The following PCDHA1 variants were observed in gnomAD, a reference collection of about 807,000 sequenced individuals.
The protein encoded by PCDHA1 is protocadherin alpha 1.
In PCDHA1, 42 loss-of-function variants were observed where a neutral mutation model predicts 61.3. The observed-to-expected ratio is 0.69, with a 90% CI of 0.54 to 0.89. PCDHA1 has a LOEUF of 0.89. Ranked by LOEUF, PCDHA1 falls within the 40% of genes least tolerant of loss-of-function variation. The pLI, the probability that PCDHA1 is intolerant of heterozygous loss-of-function variation, is 0.00. For synonymous variants in PCDHA1, 610 were observed against 553.8 expected (o/e 1.10, Z -1.43); for missense variants, 1,256 against 1,235.3 (o/e 1.02, Z -0.25).
chr5:140,896,214 G>C (rs1265727629), intron 1 of PCDHA1, among the ~76,000 whole-genome samples: 4 of 152,208 alleles, frequency 2.6e-5, no homozygotes, highest in Non-Finnish European at 5.9e-5. Context: ...ACACATACAT[G>C]TGTCTTTATA....
chr5:140,853,953 C>A, intron 1 of PCDHA1: 1 of 757,816 alleles, frequency 1.3e-6, no homozygotes, highest in Non-Finnish European at 1.6e-6. Flanking sequence ...AGGGTCCCTT[C>A]CTTGAGCCCA....
At chr5:140,850,702 A>G in intron 1 of PCDHA1, 1 of 1,598,166 alleles carries the variant, frequency 6.3e-7, no homozygotes, top group Middle Eastern at 1.7e-4. Flanking sequence ...GCGCCTGGCA[A>G]GCCGACGCTG....
chr5:140,823,717 G>C, intron 1 of PCDHA1: 2 of 1,613,952 alleles, frequency 1.2e-6, no homozygotes, highest in Non-Finnish European at 1.7e-6. Context: ...CCGCCTTCTG[G>C]TGCTGGTGAA....
chr5:140,954,842 T>C (rs1483926115), intron 1 of PCDHA1, among the ~76,000 whole-genome samples: 1 of 152,252 alleles, frequency 6.6e-6, no homozygotes, highest in Non-Finnish European at 1.5e-5. Flanking sequence ...ATGAAATCTT[T>C]GCCTGTGCCT....
intron 1 of PCDHA1, among the ~76,000 whole-genome samples, chr5:140,942,542 G>C (rs1023135030): frequency 6.6e-5 from 10 of 152,046 alleles, no homozygotes; most frequent in African/African-American, 2.4e-4. Flanking sequence ...AGTATGGTGG[G>C]GGGTAGGGGG....
chr5:140,827,904 G>GC (rs1769447630), intron 1 of PCDHA1: 2 of 786,390 alleles, frequency 2.5e-6, no homozygotes, highest in African/African-American at 3.4e-5. Flanking sequence ...TTTTGGAGCC[G>GC]CATGATGTCG....
At chr5:140,919,716 A>G (rs1166757941) in intron 1 of PCDHA1, among the ~76,000 whole-genome samples, 1 of 152,214 alleles carries the variant, frequency 6.6e-6, no homozygotes, top group East Asian at 1.9e-4. Flanking sequence ...CTAGTGAGAT[A>G]TAAATATGTT....
Position 140,803,409 on chromosome 5 carries a change from ACG to A in PCDHA1, c.2394+14727_2394+14728del, listed in dbSNP as rs782534527. 3 of 1,614,086 alleles carry A rather than the reference ACG, an allele frequency of 1.9e-6. No individual in the cohort carries two copies. In the African/African-American group the frequency reaches 4.0e-5, roughly 22 times the overall value. Reference sequence around the variant, plus strand: ...AGGCGACTGTGGGCCGGGCAAGCCCACGCTGGTGTGCTCCAGCGCGGTGGGGA... The same window carrying A: ...AGGCGACTGTGGGCCGGGCAAGCCCACTGGTGTGCTCCAGCGCGGTGGGGA... On this transcript the variant is annotated intron_variant, in intron 1 of 3. Transcript: ENST00000504120.
Position 140,823,277 on chromosome 5 carries a change from G to A in PCDHA1, c.2394+34593G>A, listed in dbSNP as rs2150124312. 41 of 1,612,320 alleles carry A rather than the reference G, an allele frequency of 2.5e-5. 1 individual carries two copies. In the East Asian group the frequency reaches 8.7e-4, roughly 34 times the overall value. On this transcript the variant is annotated intron_variant, in intron 1 of 3. Transcript: ENST00000504120. ...CTGGTGGAGCGGCGGGTGGGCGAGC[G>A]CCCGCTGTCGAGTTACGTTTCGGTG...
chr5:140,822,453 G>A, intron 1 of PCDHA1: 1 of 1,613,866 alleles, frequency 6.2e-7, no homozygotes, highest in South Asian at 1.1e-5. Flanking sequence ...GTACAGTTCA[G>A]TTGTTGATCA....
chr5:140,997,133 C>G (rs1554255761), intron 3 of PCDHA1, among the ~76,000 whole-genome samples: 1 of 152,092 alleles, frequency 6.6e-6, no homozygotes, highest in Non-Finnish European at 1.5e-5. Flanking sequence ...ACAATGCCCC[C>G]ACACCCCCGC....
chr5:140,851,897 C>T (rs1308914587), intron 1 of PCDHA1: 1 of 973,518 alleles, frequency 1.0e-6, no homozygotes, highest in African/African-American at 1.8e-5. Context: ...TGAGATTTGC[C>T]TCTTTAATGT....
At chr5:140,797,265 G>C (rs782191162) in intron 1 of PCDHA1, 2 of 1,614,194 alleles carry the variant, frequency 1.2e-6, no homozygotes, top group Middle Eastern at 1.6e-4. Flanking sequence ...CCCCCAAGAC[G>C]GACCTCATGG....
chr5:140,969,642 A>G (rs2096350693), intron 1 of PCDHA1: 1 of 206,874 alleles, frequency 4.8e-6, no homozygotes, highest in African/African-American at 2.4e-5. Context: ...GCCTTGGAAT[A>G]GGGATTATGT....
chr5:140,838,074 TATAGTGTGTGTGTGTGTGTG>T (rs1775436648), intron 1 of PCDHA1, among the ~76,000 whole-genome samples: 2 of 120,528 alleles, frequency 1.7e-5, no homozygotes. Context: ...GTTATATATA[TATAGTGTGTGTGTGTGTGTG>T]TGTGTGTGTG....
chr5:140,856,200 T>G (rs1463727286), intron 1 of PCDHA1: 1 of 1,597,908 alleles, frequency 6.3e-7, no homozygotes, highest in African/African-American at 1.3e-5. Flanking sequence ...GCGCAGGACC[T>G]GGGGCTGGAG....
intron 2 of PCDHA1, among the ~76,000 whole-genome samples, chr5:140,981,879 A>G (rs1472110145): frequency 3.9e-5 from 6 of 152,158 alleles, no homozygotes; most frequent in Non-Finnish European, 7.3e-5. Context: ...TGCTGAATTA[A>G]TCTCTTCTGA....
chr5:140,828,995 A>G lies in PCDHA1; in HGVS notation c.2394+40311A>G, dbSNP rs2150161730. ...TAGCATAGATCGAAATACGGGAGAA[A>G]TAGTGATTCGGGGTAATTTGGATTT... is the stretch of plus-strand genomic sequence containing the variant. On this transcript the variant is annotated intron_variant, in intron 1 of 3. Coordinates refer to ENST00000504120, the MANE Select transcript of PCDHA1 (RefSeq NM_018900.4). The G allele has an allele frequency of 1.2e-6, 2 of 1,614,068 alleles. No individual in the cohort carries two copies. The highest frequency in any genetic ancestry group is 1.7e-6 in the Non-Finnish European group (2 of 1,179,918).
chr5:140,802,989 G>T, intron 1 of PCDHA1: 2 of 1,614,030 alleles, frequency 1.2e-6, no homozygotes, highest in Non-Finnish European at 1.7e-6. Context: ...GCGCGCAGTG[G>T]ATGCAGACTC....
Sources: allele counts gnomAD v4.1 joint callset (sites outside exome capture counted in the v4.1 genomes callset), GRCh38; gene constraint gnomAD v4.1.1; transcripts MANE v1.5; gene names NCBI Gene and HGNC (gene_info 2026-07-23, HGNC 2026-07-21).